Variants in WNK1 observed in about 807,000 individuals in gnomAD.
The protein encoded by WNK1 is serine/threonine-protein kinase WNK1.
Under a neutral mutation model 222.8 loss-of-function variants are expected in WNK1, and 38 were observed. That is an observed-to-expected ratio of 0.17 (90% confidence interval 0.13 to 0.22). WNK1 has a LOEUF of 0.22. WNK1 is among the 10% of genes least tolerant of loss of function. The probability of loss-of-function intolerance (pLI) is 1.00; values close to 1 mark genes in which losing one functional copy is unlikely to be tolerated. For synonymous variants in WNK1, 1,090 were observed against 1,092.9 expected (o/e 1.00, Z 0.05); for missense variants, 2,348 against 2,918.4 (o/e 0.80, Z 4.50).
rs1160162017 is a variant in WNK1, at chr12:887,201, T to C, written c.5281-20T>C. 1.2e-6 allele frequency: 2 copies of C among 1,613,808 alleles called. No homozygotes were observed. Among genetic ancestry groups the C allele is most frequent in the South Asian group, 2.2e-5 (2 of 91,074 alleles). On this transcript the variant is annotated intron_variant, in intron 19 of 27. Transcript: ENST00000315939. ...ATATTTAGCGTCTCACGGACTTGAT[T>C]TTCCCTTTGTTGTCTGTAGGTGCTG... is the stretch of plus-strand genomic sequence containing the variant.
chr12:817,597 A>G (rs989692352), intron 2 of WNK1, among the ~76,000 whole-genome samples: 1 of 152,198 alleles, frequency 6.6e-6, no homozygotes, highest in African/African-American at 2.4e-5. Context: ...ATTGAAACAG[A>G]TAAAACACCC....
rs1423254785 is a variant in WNK1 at position 884,781 on chromosome 12, T to G, written c.3977T>G (p.Phe1326Cys). The G allele has an allele frequency of 4.3e-6, 7 of 1,614,122 alleles. No individual in the cohort carries two copies. In the South Asian group the frequency reaches 6.6e-5, roughly 15 times the overall value. The change falls in exon 19 of 28, where the codon TTT (phenylalanine) becomes TGT (cysteine). Residue 1326 changes from phenylalanine (F) to cysteine (C), a missense_variant. Coordinates refer to ENST00000315939, the MANE Select transcript of WNK1 (RefSeq NM_018979.4). The surrounding 1 kb of genome is among the most constrained non-coding windows in gnomAD (Gnocchi z 5.6). Reference sequence around the variant, plus strand: ...GGACCCAACACAGCACCTCCAAACTTTAGTCATACAGGACCAACATTTCCA... The same window carrying G: ...GGACCCAACACAGCACCTCCAAACTGTAGTCATACAGGACCAACATTTCCA... ...TEGPNTAPPN[F>C]SHTGPTFPVV...
At chr12:825,981 C>CT (rs1255671885) in intron 2 of WNK1, among the ~76,000 whole-genome samples, 2 of 152,168 alleles carry the variant, frequency 1.3e-5, no homozygotes, top group Non-Finnish European at 2.9e-5. Context: ...CTGTTCAGTT[C>CT]TTTTAGCATA....
chr12:899,036 G>A (rs1291615955), intron 25 of WNK1, among the ~76,000 whole-genome samples: 5 of 152,058 alleles, frequency 3.3e-5, no homozygotes, highest in African/African-American at 7.2e-5. Context: ...CACCGTGCCC[G>A]GCCCTGGACT....
chr12:892,198 G>A (rs192140781), intron 22 of WNK1, among the ~76,000 whole-genome samples: 1 of 151,790 alleles, frequency 6.6e-6, no homozygotes, highest in Non-Finnish European at 1.5e-5. Context: ...TTAGCATTAG[G>A]TATATCTCCT....
At chr12:773,482 T>C (rs1454078827) in intron 1 of WNK1, among the ~76,000 whole-genome samples, 5 of 152,130 alleles carry the variant, frequency 3.3e-5, no homozygotes, top group Admixed American at 6.5e-5. Context: ...TCAGTTTTTT[T>C]CCCATCATAG....
intron 1 of WNK1, among the ~76,000 whole-genome samples, chr12:782,587 C>T (rs929584615): frequency 6.6e-6 from 1 of 152,136 alleles, no homozygotes; most frequent in African/African-American, 2.4e-5. Flanking sequence ...TCACTGCAAC[C>T]TCCACCTCCC....
At chr12:849,640 A>G (rs1235011681) in intron 4 of WNK1, among the ~76,000 whole-genome samples, 4 of 152,194 alleles carry the variant, frequency 2.6e-5, no homozygotes, top group East Asian at 3.9e-4. Flanking sequence ...ATATGTATAC[A>G]TGTGCCATGT....
rs1348704504 is a variant in WNK1, at chr12:753,599, A to G, written c.34A>G (p.Thr12Ala). 1 of 1,612,370 alleles carries G rather than the reference A, an allele frequency of 6.2e-7. No homozygotes were observed. ...SGGAAEKQSS[T>A]PGSLFLSPPA... is the part of the protein sequence containing the mutation. ...CGGCGCCGCAGAGAAGCAGAGCAGCACTCCCGGTTCCCTGTTCCTCTCGCC... is the reference window on the plus strand; with the variant it reads ...CGGCGCCGCAGAGAAGCAGAGCAGCGCTCCCGGTTCCCTGTTCCTCTCGCC... Residue 12 changes from threonine to alanine, a missense_variant, in exon 1 of 28, where the codon ACT (threonine) becomes GCT (alanine). Thr to Ala is a moderately conservative substitution (Grantham distance 58, BLOSUM62 0). Around this residue, in one of 13 missense-constraint regions of WNK1, gnomAD observed 108 missense variants for 109.7 expected, o/e 0.98. Coordinates refer to ENST00000315939, the MANE Select transcript of WNK1 (RefSeq NM_018979.4). This position sits in a 1 kb window ranked among gnomAD's most constrained non-coding sequence, Gnocchi z 5.2.
chr12:879,735 A>G lies in WNK1; in HGVS notation c.2536A>G (p.Ile846Val), dbSNP rs145524793. The G allele has an allele frequency of 2.2e-5, 36 of 1,613,396 alleles. No homozygotes were observed. The highest frequency in any genetic ancestry group is 4.0e-5 in the African/African-American group (3 of 74,702). Residue 846 changes from isoleucine to valine, a missense_variant, in exon 11 of 28, where the codon ATA becomes GTA. Around this residue, in one of 13 missense-constraint regions of WNK1, gnomAD observed 547 missense variants for 558.3 expected, o/e 0.98. Transcript: ENST00000315939. Reference protein sequence around the residue: ...LPQYPVSQIPISTPHVSTAQT... With the variant: ...LPQYPVSQIPVSTPHVSTAQT... ...TCAGTACCCTGTCTCTCAGATTCCC[A>G]TATCAACTCCTCATGTGTCTACGGC...
chr12:906,602 A>G lies in WNK1; in HGVS notation c.6644-1245A>G, dbSNP rs72650801. On this transcript the variant is annotated intron_variant, in intron 26 of 27. Coordinates refer to ENST00000315939, the MANE Select transcript of WNK1 (RefSeq NM_018979.4). The stretch of plus-strand genomic sequence containing the variant: ...AGGCACACCATACAGTCCTTTCCTC[A>G]TGAATAATCTTGTTCTTTACTCATG... The G allele has an allele frequency of 5.2e-3, 5,077 of 985,006 alleles. 19 individuals are homozygous for G. Among genetic ancestry groups the G allele is most frequent in the Admixed American group, 0.012 (201 of 16,266 alleles). The allele number at this position is 985,006 out of a possible 1,614,324, so 61.0% of individuals were successfully genotyped here. A position where few individuals can be genotyped will look rare whatever the true frequency, so the allele number is the denominator to read the frequency against.
At chr12:757,360 T>TCCGG (rs1352431387) in intron 1 of WNK1, among the ~76,000 whole-genome samples, 3 of 23,496 alleles carry the variant, frequency 1.3e-4, no homozygotes, top group Non-Finnish European at 2.9e-4. Context: ...GGAGTCTTGC[T>TCCGG]CTATCTCCAG....
intron 4 of WNK1, among the ~76,000 whole-genome samples, chr12:846,716 G>A (rs1328928049): frequency 2.6e-5 from 4 of 152,150 alleles, no homozygotes. Context: ...GGATTGCAAG[G>A]TTTGAACATT....
At chr12:819,896 T>A (rs909251912) in intron 2 of WNK1, among the ~76,000 whole-genome samples, 1 of 152,224 alleles carries the variant, frequency 6.6e-6, no homozygotes, top group Non-Finnish European at 1.5e-5. Flanking sequence ...ATTTCTGGAC[T>A]CTCAATTCTA....
intron 26 of WNK1, 103 bp downstream of exon 26, chr12:900,773 C>T (rs1955190275): frequency 1.5e-6 from 2 of 1,373,226 alleles, no homozygotes; most frequent in East Asian, 2.3e-5. Context: ...CTGACCAGAA[C>T]ACAGCCTGTG....
At chr12:757,037 G>A (rs1442852535) in intron 1 of WNK1, among the ~76,000 whole-genome samples, 1 of 152,154 alleles carries the variant, frequency 6.6e-6, no homozygotes, top group East Asian at 1.9e-4. Context: ...CAAAGCATTT[G>A]TAGTCCAGTA....
At chr12:799,206 C>T (rs1275743537) in intron 1 of WNK1, among the ~76,000 whole-genome samples, 2 of 152,092 alleles carry the variant, frequency 1.3e-5, no homozygotes, top group South Asian at 2.1e-4. Context: ...TTACAGCAGC[C>T]TCAACCTCCT....
chr12:809,854 A>T (rs1266175360), intron 1 of WNK1, among the ~76,000 whole-genome samples: 2 of 152,206 alleles, frequency 1.3e-5, no homozygotes, highest in Non-Finnish European at 2.9e-5. Context: ...ACTGAAACCC[A>T]TGCTGCCCTG....
intron 26 of WNK1, chr12:901,515 G>A: frequency 8.0e-7 from 1 of 1,252,080 alleles, no homozygotes; most frequent in Non-Finnish European, 1.0e-6. Context: ...GTTGTGTTCT[G>A]TCTCTTCTCC....
Sources: gnomAD v4.1 joint callset for allele counts (sites outside exome capture counted in the v4.1 genomes callset) on GRCh38, gnomAD v4.1.1 for gene constraint, gnomAD v4.1.1 regional missense constraint, Gnocchi (gnomAD v3.1) non-coding constraint, MANE v1.5 for transcripts, NCBI Gene and HGNC (gene_info 2026-07-23, HGNC 2026-07-21) for gene names.